Variants in USP24 observed in about 807,000 individuals in gnomAD.
USP24 encodes the protein ubiquitin carboxyl-terminal hydrolase 24.
In USP24, 97 loss-of-function variants were observed where a neutral mutation model predicts 361.6. The ratio of observed to expected loss-of-function variants is 0.27; its 90% CI spans 0.23 to 0.32. The LOEUF is 0.32. USP24 is among the 10% of genes least tolerant of loss of function. The probability of loss-of-function intolerance (pLI) is 1.00; values close to 1 mark genes in which losing one functional copy is unlikely to be tolerated. For missense variants in USP24, 2,353 were observed against 3,165.6 expected (o/e 0.74, Z 6.16); for synonymous variants, 1,098 against 1,124.6 (o/e 0.98, Z 0.47).
Position 55,146,070 on chromosome 1 carries a change from C to CA in USP24, c.2289dup (p.Glu764Ter), listed in dbSNP as rs1162438636. The CA allele has an allele frequency of 6.2e-7, 1 of 1,613,176 alleles. No homozygotes were observed. The highest frequency in any genetic ancestry group is 8.5e-7 in the Non-Finnish European group (1 of 1,179,526). ...AAGAGCTGCTGCTGAACATCACTCT[C>CA]AAGATCATGCTGTCCTTTTGTAAAC... On this transcript the variant is annotated frameshift_variant, in exon 20 of 68. Transcript: ENST00000294383. LOFTEE classifies it high-confidence loss of function.
At chr1:55,169,464 A>G (rs1255425699) in intron 5 of USP24, among the ~76,000 whole-genome samples, 2 of 152,206 alleles carry the variant, frequency 1.3e-5, no homozygotes, top group Non-Finnish European at 2.9e-5. Flanking sequence ...CCATAGATTC[A>G]GAAGCCCAAT....
At position 55,099,884 on chromosome 1, in the gene USP24, T is replaced by C; in HGVS notation, c.5272-15A>G. On this transcript the variant is annotated splice_polypyrimidine_tract_variant and intron_variant, in intron 44 of 67. Transcript: ENST00000294383. ...ATCTTGAAAATCTATATAACAAAAA[T>C]TAAATGTTTTTAAAGGAAAAGTAGC... The C allele has an allele frequency of 6.6e-7, 1 of 1,526,070 alleles. No individual in the cohort carries two copies. The highest frequency in any genetic ancestry group is 8.8e-7 in the Non-Finnish European group (1 of 1,130,774). 94.5% of individuals were successfully genotyped at this position (1,526,070 alleles called of 1,614,324 possible).
intron 1 of USP24, among the ~76,000 whole-genome samples, chr1:55,181,629 T>C (rs942127500): frequency 6.6e-6 from 1 of 152,252 alleles, no homozygotes; most frequent in Non-Finnish European, 1.5e-5. Flanking sequence ...TATACGTCAT[T>C]ACTATGGAGT....
intron 1 of USP24, among the ~76,000 whole-genome samples, chr1:55,209,080 C>G (rs1644785948): frequency 6.6e-6 from 1 of 150,772 alleles, no homozygotes. Flanking sequence ...ATGAAAAATA[C>G]AAGCTTAAAA....
intron 10 of USP24, among the ~76,000 whole-genome samples, chr1:55,158,494 C>T (rs1647925398): frequency 6.6e-6 from 1 of 152,118 alleles, no homozygotes; most frequent in Non-Finnish European, 1.5e-5. Flanking sequence ...TTGCTTTGAC[C>T]AACACTGCTG....
At chr1:55,165,743 T>A in intron 7 of USP24, 142 bp downstream of exon 7, 1 of 565,106 alleles carries the variant, frequency 1.8e-6, no homozygotes, top group South Asian at 6.5e-5. Flanking sequence ...TCTTTGGTTA[T>A]CAGGACCGTG....
intron 1 of USP24, among the ~76,000 whole-genome samples, chr1:55,179,747 A>G (rs1262252691): frequency 6.6e-6 from 1 of 152,018 alleles, no homozygotes; most frequent in African/African-American, 2.4e-5. Context: ...TCCCATCCCC[A>G]TCCCCAGGAC....
chr1:55,168,148 G>A (rs1316865993), intron 5 of USP24, among the ~76,000 whole-genome samples: 1 of 152,190 alleles, frequency 6.6e-6, no homozygotes, highest in Non-Finnish European at 1.5e-5. Flanking sequence ...TATCCTGAAA[G>A]CCAAGCAAGA....
At chr1:55,189,680 A>C (rs975276497) in intron 1 of USP24, among the ~76,000 whole-genome samples, 2 of 152,156 alleles carry the variant, frequency 1.3e-5, no homozygotes, top group Non-Finnish European at 2.9e-5. Flanking sequence ...AAAACGGTGA[A>C]CTTTATAGTA....
intron 56 of USP24, among the ~76,000 whole-genome samples, chr1:55,084,764 G>C (rs1366843940): frequency 6.6e-6 from 1 of 152,212 alleles, no homozygotes; most frequent in East Asian, 1.9e-4. Flanking sequence ...TCCATCAGCT[G>C]GGCATCAGAC....
At chr1:55,087,058 C>G (rs1234678866) in intron 55 of USP24, among the ~76,000 whole-genome samples, 1 of 151,952 alleles carries the variant, frequency 6.6e-6, no homozygotes, top group African/African-American at 2.4e-5. Flanking sequence ...GAAGACTATA[C>G]CAAGGGGCTG....
intron 56 of USP24, 135 bp downstream of exon 56, chr1:55,085,807 A>G: frequency 1.2e-6 from 1 of 804,736 alleles, no homozygotes; most frequent in Non-Finnish European, 1.9e-6. Flanking sequence ...GCATGTACCA[A>G]AAATCAGTTC....
chr1:55,128,103 ATC>A (rs778005082), intron 32 of USP24, among the ~76,000 whole-genome samples: 33 of 152,222 alleles, frequency 2.2e-4, no homozygotes, highest in African/African-American at 7.7e-4. Context: ...TGTTCGTTCC[ATC>A]TCTCTGTGTT....
intron 12 of USP24, 148 bp from the exon 13 acceptor site, chr1:55,154,926 C>T: frequency 1.7e-6 from 1 of 584,898 alleles, no homozygotes. Context: ...ATAATATTGG[C>T]AAGACTATAT....
At chr1:55,191,011 T>A (rs946651900) in intron 1 of USP24, among the ~76,000 whole-genome samples, 2 of 152,238 alleles carry the variant, frequency 1.3e-5, no homozygotes, top group African/African-American at 4.8e-5. Context: ...TGAAAAATAA[T>A]TTTTATAAAA....
intron 1 of USP24, among the ~76,000 whole-genome samples, chr1:55,208,233 T>C (rs999045198): frequency 6.6e-6 from 1 of 152,046 alleles, no homozygotes; most frequent in Non-Finnish European, 1.5e-5. Flanking sequence ...GGGAGCCAGG[T>C]TTCTCACTAG....
At chr1:55,115,564 T>A (rs565366494) in intron 38 of USP24, among the ~76,000 whole-genome samples, 17 of 151,684 alleles carry the variant, frequency 1.1e-4, no homozygotes, top group African/African-American at 3.9e-4. Context: ...TTTTACACTG[T>A]TGGTGGGAGT....
chr1:55,124,118 C>G (rs1570468083), intron 35 of USP24, among the ~76,000 whole-genome samples: 1 of 152,244 alleles, frequency 6.6e-6, no homozygotes, highest in Non-Finnish European at 1.5e-5. Flanking sequence ...AATAACCTGG[C>G]AAACCAAGAA....
intron 7 of USP24, among the ~76,000 whole-genome samples, 173 bp from the exon 8 acceptor site, chr1:55,162,437 G>A (rs1031720965): frequency 6.6e-6 from 1 of 152,136 alleles, no homozygotes; most frequent in African/African-American, 2.4e-5. Flanking sequence ...ATATAAAGAT[G>A]TCAACCCGCT....
Sources: gnomAD v4.1 joint callset for allele counts (sites outside exome capture counted in the v4.1 genomes callset) on GRCh38, gnomAD v4.1.1 for gene constraint, MANE v1.5 for transcripts, NCBI Gene and HGNC (gene_info 2026-07-23, HGNC 2026-07-21) for gene names.